Variants in SLC13A3 observed in about 807,000 individuals in gnomAD.
The protein encoded by SLC13A3 is solute carrier family 13 member 3.
In SLC13A3, 40 loss-of-function variants were observed where a neutral mutation model predicts 59.0. The ratio of observed to expected loss-of-function variants is 0.68; its 90% confidence interval spans 0.53 to 0.88. The LOEUF (loss-of-function observed/expected upper bound fraction) is 0.88, where lower values mean the gene tolerates loss of function less well. Among genes scored for constraint, SLC13A3 ranks in the 40% least tolerant of loss-of-function variants. The pLI is 0.00. For synonymous variants in SLC13A3, 317 were observed against 330.3 expected (o/e 0.96, Z 0.44); for missense variants, 699 against 783.2 (o/e 0.89, Z 1.28).
At position 46,594,828 on chromosome 20, in the gene SLC13A3, T is replaced by C. The variant is rs80149848; in HGVS notation, c.794+1329A>G. On this transcript the variant is annotated intron_variant, in intron 5 of 12. Transcript: ENST00000279027. ...ATCAAAGCATTTTGGAAGCTGAGAA[T>C]GTATTGGCAATTCATCTCACTCAGG... Among the ~76,000 whole-genome samples the C allele has an allele frequency of 3.0e-3, 450 of 152,168 alleles. 3 individuals carry two copies. Among genetic ancestry groups the C allele is most frequent in the African/African-American group, 0.01 (431 of 41,504 alleles).
intron 11 of SLC13A3, among the ~76,000 whole-genome samples, chr20:46,564,978 G>C (rs1374516415): frequency 6.6e-5 from 10 of 152,202 alleles, no homozygotes; most frequent in Non-Finnish European, 1.5e-4. Flanking sequence ...AAGACAAGGT[G>C]CTGCAGGTAT....
chr20:46,656,043 C>T (rs1286366379), upstream of SLC13A3, among the ~76,000 whole-genome samples: 1 of 141,782 alleles, frequency 7.1e-6, no homozygotes, highest in African/African-American at 2.6e-5. Flanking sequence ...CTACAGTATA[C>T]TATATATACA....
At chr20:46,593,169 A>G (rs994099933) in intron 5 of SLC13A3, among the ~76,000 whole-genome samples, 3 of 152,234 alleles carry the variant, frequency 2.0e-5, no homozygotes, top group African/African-American at 7.2e-5. Flanking sequence ...AATAACACTC[A>G]GTGCTGGTGA....
intron 1 of SLC13A3, chr20:46,682,411 T>C (rs1182330440): frequency 2.6e-5 from 4 of 152,150 alleles, no homozygotes; most frequent in South Asian, 2.1e-4. Flanking sequence ...CACAGCTTGT[T>C]TGGAGCACTC....
chr20:46,568,979 CATTTT>C (rs1042896500), intron 10 of SLC13A3, among the ~76,000 whole-genome samples: 34 of 152,204 alleles, frequency 2.2e-4, no homozygotes, highest in South Asian at 1.5e-3. Context: ...TGCCCTTTCC[CATTTT>C]ATTTTATTTA....
chr20:46,588,167 TG>T lies in SLC13A3; in HGVS notation c.1017-5del, dbSNP rs1163326118. ...GAAAACAGCCTGTTCGGCAAACCTG[TG>T]GCACAGACATGCAGGCATGATGGTG... On this transcript the variant is annotated splice_region_variant and splice_polypyrimidine_tract_variant and intron_variant, in intron 7 of 12. Coordinates refer to ENST00000279027, the MANE Select transcript of SLC13A3 (RefSeq NM_022829.6). 24 of 1,596,592 alleles carry T rather than the reference TG, an allele frequency of 1.5e-5. No individual in the cohort carries two copies. In the African/African-American group the frequency reaches 2.8e-4, roughly 19 times the overall value.
rs1195311346 is a variant in SLC13A3, at chr20:46,583,571, C to A, written c.1219+1G>T. The A allele has an allele frequency of 1.2e-6, 2 of 1,613,814 alleles. No homozygotes were observed. Among genetic ancestry groups the A allele is most frequent in the Non-Finnish European group, 1.7e-6 (2 of 1,179,956 alleles). On this transcript the variant is annotated splice_donor_variant, in intron 9 of 12. Coordinates refer to ENST00000279027, the MANE Select transcript of SLC13A3 (RefSeq NM_022829.6). LOFTEE classifies it high-confidence loss of function. ...CGAGACCCCAGCCTTGACCACCTTA[C>A]CTTTGAAGTCAAACCACCACTTGAG...
chr20:46,561,928 C>A (rs911387218), intron 12 of SLC13A3, among the ~76,000 whole-genome samples: 3 of 152,156 alleles, frequency 2.0e-5, no homozygotes, highest in Non-Finnish European at 4.4e-5. Flanking sequence ...CTCTCAGGAG[C>A]GAACCTGCAG....
At chr20:46,662,214 A>G (rs1436461485) in intron 1 of SLC13A3, among the ~76,000 whole-genome samples, 1 of 152,140 alleles carries the variant, frequency 6.6e-6, no homozygotes, top group Non-Finnish European at 1.5e-5. Context: ...TCAGCTTTCC[A>G]TGAAGTTTTT....
At chr20:46,613,435 G>A (rs1281269400) in intron 2 of SLC13A3, 25 bp downstream of exon 2, 1 of 1,554,360 alleles carries the variant, frequency 6.4e-7, no homozygotes, top group African/African-American at 1.4e-5. Context: ...TCCGCTGTAG[G>A]GCTGGAACCA....
Position 46,596,222 on chromosome 20 carries a change from A to G in SLC13A3, c.729T>C (p.Ser243=). 6.2e-7 allele frequency: 1 copy of G among 1,614,044 alleles called. No individual in the cohort carries two copies. Among genetic ancestry groups the G allele is most frequent in the Non-Finnish European group, 8.5e-7 (1 of 1,180,010 alleles). ...GFLISIPYSA[S]IGGTATLTGT... Reference sequence around the variant, plus strand: ...CCGTGAGTGTGGCTGTGCCCCCAATACTGGCTGAGTAGGGGATGGAGATGA... The same window carrying G: ...CCGTGAGTGTGGCTGTGCCCCCAATGCTGGCTGAGTAGGGGATGGAGATGA... The change falls in exon 5 of 13, where the codon AGT becomes AGC. Residue 243 remains serine (S), a synonymous_variant. Coordinates refer to ENST00000279027, the MANE Select transcript of SLC13A3 (RefSeq NM_022829.6).
chr20:46,599,422 C>G (rs2062350387), intron 4 of SLC13A3, among the ~76,000 whole-genome samples: 1 of 152,250 alleles, frequency 6.6e-6, no homozygotes, highest in Non-Finnish European at 1.5e-5. Flanking sequence ...ATCTCATTGT[C>G]TCACACAGCC....
intron 1 of SLC13A3, among the ~76,000 whole-genome samples, chr20:46,640,005 A>G (rs779089881): frequency 2.0e-5 from 3 of 152,214 alleles, no homozygotes; most frequent in Non-Finnish European, 4.4e-5. Flanking sequence ...TGCAAATGTC[A>G]GTAATAACAC....
At chr20:46,585,255 G>A (rs2062179153) in intron 8 of SLC13A3, 1 of 970,682 alleles carries the variant, frequency 1.0e-6, no homozygotes, top group Non-Finnish European at 1.2e-6. Context: ...TATGTATGAA[G>A]ATATGTGTGC....
chr20:46,600,492 T>C, intron 3 of SLC13A3: 1 of 236,386 alleles, frequency 4.2e-6, no homozygotes, highest in Non-Finnish European at 1.0e-5. Context: ...TCTATCCTCC[T>C]GTCCTACCAT....
At chr20:46,670,317 C>T (rs1015612278), upstream of SLC13A3, among the ~76,000 whole-genome samples, 1 of 152,178 alleles carries the variant, frequency 6.6e-6, no homozygotes, top group Non-Finnish European at 1.5e-5. Context: ...CTTCCTGACT[C>T]ATGGCTTGAG....
intron 1 of SLC13A3, among the ~76,000 whole-genome samples, chr20:46,614,890 AG>A (rs1386929883): frequency 6.6e-6 from 1 of 152,182 alleles, no homozygotes; most frequent in Non-Finnish European, 1.5e-5. Context: ...TGCCAAGGCT[AG>A]GGTGGAAGGT....
At chr20:46,588,901 G>A (rs1022732880) in intron 7 of SLC13A3, among the ~76,000 whole-genome samples, 9 of 152,128 alleles carry the variant, frequency 5.9e-5, no homozygotes, top group South Asian at 2.1e-4. Context: ...GGAGGGAAAC[G>A]GTGCCTTGGG....
At chr20:46,628,344 G>A (rs1029592377) in intron 1 of SLC13A3, among the ~76,000 whole-genome samples, 5 of 152,266 alleles carry the variant, frequency 3.3e-5, no homozygotes, top group Admixed American at 6.5e-5. Flanking sequence ...CTTGCTGAGC[G>A]GGCCCAGGGA....
Sources: gnomAD v4.1 joint callset for allele counts (sites outside exome capture counted in the v4.1 genomes callset) on GRCh38, gnomAD v4.1.1 for gene constraint, MANE v1.5 for transcripts, NCBI Gene and HGNC (gene_info 2026-07-23, HGNC 2026-07-21) for gene names.